TM4SF4: variants seen among roughly 807,000 people sequenced by gnomAD.
TM4SF4 encodes transmembrane 4 L6 family member 4.
Under a neutral mutation model 24.1 loss-of-function variants are expected in TM4SF4, and 24 were observed. That is an observed-to-expected ratio of 1.00 (90% confidence interval 0.72 to 1.40). TM4SF4 has a LOEUF of 1.40. TM4SF4 is among the 40% of genes most tolerant of loss of function. The pLI, the probability that TM4SF4 is intolerant of heterozygous loss-of-function variation, is 0.00. For synonymous variants in TM4SF4, 113 were observed against 97.0 expected, an observed-to-expected ratio of 1.17 and a Z score of -0.97; for missense variants, 254 against 254.2, an observed-to-expected ratio of 1.00 and a Z score of 0.01.
chr3:149,475,925 G>C lies in TM4SF4; in HGVS notation c.264+13G>C. ...GAAGCGATTTGCGGTGAGTTACCAT[G>C]GGGGGCAGCTACTAGAATTACTCCA... On this transcript the variant is annotated intron_variant, in intron 2 of 4. Coordinates refer to ENST00000305354, the MANE Select transcript of TM4SF4 (RefSeq NM_004617.4). 6.2e-7 allele frequency: 1 copy of C among 1,603,514 alleles called. No homozygotes were observed. The highest frequency in any genetic ancestry group is 1.1e-5 in the South Asian group (1 of 89,336).
At chr3:149,497,257 A>G (rs993516077) in intron 3 of TM4SF4, among the ~76,000 whole-genome samples, 1 of 152,236 alleles carries the variant, frequency 6.6e-6, no homozygotes, top group Admixed American at 6.5e-5. Flanking sequence ...CATAGTCCTG[A>G]CAATAACCCT....
chr3:149,489,356 AG>A (rs1734171777), intron 3 of TM4SF4, among the ~76,000 whole-genome samples: 2 of 152,258 alleles, frequency 1.3e-5, no homozygotes, highest in African/African-American at 4.8e-5. Flanking sequence ...TCAGTGCCAC[AG>A]TAAACATATT....
intron 4 of TM4SF4, among the ~76,000 whole-genome samples, chr3:149,500,721 C>T (rs1453423306): frequency 6.6e-6 from 1 of 152,082 alleles, no homozygotes; most frequent in Non-Finnish European, 1.5e-5. Context: ...AATATGATTA[C>T]TTTGGCTGGA....
At position 149,474,970 on chromosome 3, in the gene TM4SF4, T is replaced by G. The variant is rs751245888; in HGVS notation, c.93T>G (p.Pro31=). The G allele has an allele frequency of 6.2e-7, 1 of 1,613,926 alleles. No homozygotes were observed. The highest frequency in any genetic ancestry group is 1.1e-5 in the South Asian group (1 of 91,064). ...GFLANILLFF[P]GGKVIDDNDH... ...TGGCTAACATCCTGTTATTTTTTCC[T>G]GGAGGAAAAGTGATAGATGACAACG... The change falls in exon 1 of 5, where the codon CCT becomes CCG. Residue 31 remains proline, a synonymous_variant. Transcript: ENST00000305354.
At chr3:149,482,290 G>A (rs1226206870) in intron 2 of TM4SF4, among the ~76,000 whole-genome samples, 1 of 152,170 alleles carries the variant, frequency 6.6e-6, no homozygotes, top group Non-Finnish European at 1.5e-5. Flanking sequence ...CCATACCTTT[G>A]ACAACAACAC....
intron 3 of TM4SF4, among the ~76,000 whole-genome samples, chr3:149,489,394 A>G (rs1354159478): frequency 1.3e-5 from 2 of 152,276 alleles, no homozygotes; most frequent in African/African-American, 4.8e-5. Flanking sequence ...TATGTGAATA[A>G]TACTACCCTA....
At chr3:149,475,159 C>A in intron 1 of TM4SF4, 108 bp downstream of exon 1, 2 of 1,233,218 alleles carry the variant, frequency 1.6e-6, no homozygotes, top group Non-Finnish European at 2.2e-6. Context: ...GTAATAGAAG[C>A]TCAAGCATTG....
At chr3:149,487,893 T>C (rs1734146973) in intron 3 of TM4SF4, 138 bp downstream of exon 3, 1 of 1,229,826 alleles carries the variant, frequency 8.1e-7, no homozygotes, top group Non-Finnish European at 1.1e-6. Flanking sequence ...GAGGCAGAGA[T>C]GGAGTTGTGG....
chr3:149,485,791 TAAAAAC>T (rs71619312), intron 2 of TM4SF4, among the ~76,000 whole-genome samples: 42 of 150,670 alleles, frequency 2.8e-4, no homozygotes, highest in South Asian at 2.5e-3. Context: ...AGACCCTGTC[TAAAAAC>T]AAAAACAAAA....
At chr3:149,475,105 C>T in intron 1 of TM4SF4, 54 bp downstream of exon 1, 1 of 1,546,204 alleles carries the variant, frequency 6.5e-7, no homozygotes, top group Non-Finnish European at 8.7e-7. Context: ...TCCCCACAAT[C>T]CTTTTTAAAT....
chr3:149,492,206 G>A (rs1219324867), intron 3 of TM4SF4, among the ~76,000 whole-genome samples: 2 of 152,174 alleles, frequency 1.3e-5, no homozygotes, highest in Non-Finnish European at 2.9e-5. Context: ...TCAGGTTTAG[G>A]TGTGAGGAGA....
intron 2 of TM4SF4, among the ~76,000 whole-genome samples, chr3:149,478,191 G>A (rs894709182): frequency 6.6e-6 from 1 of 152,238 alleles, no homozygotes. Flanking sequence ...TGTTGCCCAG[G>A]CTGGAGCGCA....
intron 1 of TM4SF4, 94 bp downstream of exon 1, chr3:149,475,145 G>A (rs188187639): frequency 1.5e-6 from 2 of 1,348,134 alleles, no homozygotes; most frequent in African/African-American, 2.9e-5. Flanking sequence ...GAGATATTTA[G>A]TTGGTAATAG....
intron 2 of TM4SF4, among the ~76,000 whole-genome samples, chr3:149,484,660 T>C (rs952328672): frequency 6.6e-6 from 1 of 152,102 alleles, no homozygotes. Flanking sequence ...CAAGCAATTC[T>C]TCTGCCTTGG....
At chr3:149,495,389 T>C in intron 3 of TM4SF4, 1 of 333,106 alleles carries the variant, frequency 3.0e-6, no homozygotes, top group Admixed American at 3.8e-5. Flanking sequence ...CATCTGCCCC[T>C]CCAGATGTCT....
Position 149,476,790 on chromosome 3 carries a change from CTGTTTTTTTTTGTTTTTGTTTT to C in TM4SF4, c.264+890_264+911del, listed in dbSNP as rs1207613968. 6.8e-4 allele frequency among the ~76,000 whole-genome samples: 85 copies of C among 124,954 alleles called. 6 individuals carry two copies. Among genetic ancestry groups the C allele is most frequent in the Non-Finnish European group, 1.1e-3 (59 of 55,914 alleles). 82.0% of individuals were successfully genotyped at this position (124,954 alleles called of 152,430 possible). A position where few individuals can be genotyped will look rare whatever the true frequency, so the allele number is the denominator to read the frequency against. On this transcript the variant is annotated intron_variant, in intron 2 of 4. Coordinates refer to ENST00000305354, the MANE Select transcript of TM4SF4 (RefSeq NM_004617.4). ...GACATAAGTCTTTCTTTTTTCTTTT[CTGTTTTTTTTTGTTTTTGTTTT>C]TGTTTTTTTTTTTTTTTTTGAGACA... is the stretch of plus-strand genomic sequence containing the variant.
intron 4 of TM4SF4, among the ~76,000 whole-genome samples, chr3:149,500,375 CT>C (rs1231762741): frequency 2.6e-5 from 4 of 151,812 alleles, no homozygotes; most frequent in Non-Finnish European, 5.9e-5. Flanking sequence ...TTATATATTA[CT>C]TTTTTCAATG....
chr3:149,497,530 C>A (rs990475556), intron 3 of TM4SF4, among the ~76,000 whole-genome samples: 2 of 152,148 alleles, frequency 1.3e-5, no homozygotes, highest in African/African-American at 2.4e-5. Context: ...AACAAAGAGA[C>A]CAATTTGGGG....
chr3:149,480,015 G>A (rs1374181444), intron 2 of TM4SF4, among the ~76,000 whole-genome samples: 4 of 152,158 alleles, frequency 2.6e-5, no homozygotes, highest in South Asian at 2.1e-4. Context: ...TGGTAAAGCC[G>A]AGAAAATGGC....
Sources: allele counts gnomAD v4.1 joint callset (sites outside exome capture counted in the v4.1 genomes callset), GRCh38; gene constraint gnomAD v4.1.1; transcripts MANE v1.5; gene names NCBI Gene and HGNC (gene_info 2026-07-23, HGNC 2026-07-21).